Variants in CDKN2AIPNL observed in about 807,000 individuals in gnomAD.
CDKN2AIPNL encodes the protein CDKN2AIP N-terminal-like protein.
In CDKN2AIPNL, 9 loss-of-function variants were observed where a neutral mutation model predicts 12.9. The ratio of observed to expected loss-of-function variants is 0.70; its 90% CI spans 0.42 to 1.22. The LOEUF (loss-of-function observed/expected upper bound fraction) is 1.22, where lower values mean the gene tolerates loss of function less well. Among genes scored for constraint, CDKN2AIPNL ranks in the 50% most tolerant of loss-of-function variants. The probability of loss-of-function intolerance (pLI) is 0.00; values close to 1 mark genes in which losing one functional copy is unlikely to be tolerated. For synonymous variants in CDKN2AIPNL, 53 were observed against 61.7 expected (o/e 0.86, Z 0.66); for missense variants, 143 against 153.6 (o/e 0.93, Z 0.37).
At chr5:134,407,633 C>T (rs551134131) in intron 2 of CDKN2AIPNL, among the ~76,000 whole-genome samples, 2 of 151,622 alleles carry the variant, frequency 1.3e-5, no homozygotes, top group African/African-American at 2.4e-5. Flanking sequence ...AAAATAGCCG[C>T]GCGTGGTGGC....
intron 2 of CDKN2AIPNL, among the ~76,000 whole-genome samples, chr5:134,409,447 A>G (rs2149697688): frequency 6.6e-6 from 1 of 152,288 alleles, no homozygotes; most frequent in African/African-American, 2.4e-5. Context: ...TCAGACCCCA[A>G]AGGGTAGAGA....
At chr5:134,403,472 C>T (rs1759057915) in intron 2 of CDKN2AIPNL, among the ~76,000 whole-genome samples, 2 of 152,158 alleles carry the variant, frequency 1.3e-5, no homozygotes, top group Admixed American at 1.3e-4. Context: ...CTTTAGACAA[C>T]TTTTAAACAG....
At chr5:134,404,443 CCT>C (rs1464648360) in intron 2 of CDKN2AIPNL, among the ~76,000 whole-genome samples, 1 of 152,110 alleles carries the variant, frequency 6.6e-6, no homozygotes, top group Admixed American at 6.6e-5. Flanking sequence ...CCCACCTCAG[CCT>C]CTCGAGTAGC....
intron 2 of CDKN2AIPNL, among the ~76,000 whole-genome samples, chr5:134,406,780 G>C (rs188582624): frequency 6.6e-6 from 1 of 152,324 alleles, no homozygotes; most frequent in East Asian, 1.9e-4. Context: ...TAAGGTGCAA[G>C]GATCACTTGA....
At chr5:134,408,381 G>A (rs144331561) in intron 2 of CDKN2AIPNL, among the ~76,000 whole-genome samples, 1 of 151,800 alleles carries the variant, frequency 6.6e-6, no homozygotes, top group East Asian at 2.0e-4. Context: ...TTTAACAGCT[G>A]ATTTTAGTCC....
At chr5:134,406,067 A>G (rs942627348) in intron 2 of CDKN2AIPNL, among the ~76,000 whole-genome samples, 2 of 152,212 alleles carry the variant, frequency 1.3e-5, no homozygotes, top group African/African-American at 4.8e-5. Flanking sequence ...AAAAAAAATC[A>G]TATACTGCAA....
chr5:134,410,167 G>C (rs1299888450), intron 1 of CDKN2AIPNL, among the ~76,000 whole-genome samples, 165 bp from the exon 2 acceptor site: 1 of 152,156 alleles, frequency 6.6e-6, no homozygotes, highest in Non-Finnish European at 1.5e-5. Flanking sequence ...ATGGAGTCTT[G>C]CTCTGTCCCC....
rs940993051 is a variant in CDKN2AIPNL at position 134,411,685 on chromosome 5, C to A, written c.170G>T (p.Gly57Val). The change falls in exon 1 of 3, where the codon GGC (glycine) becomes GTC (valine). Residue 57 changes from glycine (G) to valine (V), a missense_variant. Around this residue, in one of 3 missense-constraint regions of CDKN2AIPNL, gnomAD observed 111 missense variants for 111.4 expected, o/e 1.00. Coordinates refer to ENST00000458198, the MANE Select transcript of CDKN2AIPNL (RefSeq NM_080656.3). Reference sequence around the variant, plus strand: ...GAGCAGCTGGTCCAGGCGGCCACTGCCGTCGGGCGGGTCGCGGTAGTCGGG... The same window carrying A: ...GAGCAGCTGGTCCAGGCGGCCACTGACGTCGGGCGGGTCGCGGTAGTCGGG... ...HLPDYRDPPD[G>V]SGRLDQLLSL... 1 of 1,613,048 alleles carries A rather than the reference C, an allele frequency of 6.2e-7. No homozygotes were observed. The highest frequency in any genetic ancestry group is 8.5e-7 in the Non-Finnish European group (1 of 1,179,792).
intron 2 of CDKN2AIPNL, among the ~76,000 whole-genome samples, chr5:134,404,624 G>C (rs1227023797): frequency 6.6e-6 from 1 of 151,446 alleles, no homozygotes; most frequent in Non-Finnish European, 1.5e-5. Flanking sequence ...ACTGGGCTAG[G>C]CTGATTTTTT....
In CDKN2AIPNL at chr5:134,402,917, A is replaced by C. The variant is rs1274724269; in HGVS notation, c.349T>G (p.Ter117GluextTer20). 6.2e-7 allele frequency: 1 copy of C among 1,608,510 alleles called. No individual in the cohort carries two copies. The highest frequency in any genetic ancestry group is 8.5e-7 in the Non-Finnish European group (1 of 1,179,298). The change falls in exon 3 of 3, where the codon TAA (stop) becomes GAA (glutamate). Residue 117 changes from the stop codon to glutamate (E), a stop_lost. Coordinates refer to ENST00000458198, the MANE Select transcript of CDKN2AIPNL (RefSeq NM_080656.3). ...RSELMKKHQS[*>E] is the part of the protein sequence containing the mutation. ...GAAAATGTGATAAATCTTCTGGCTT[A>C]GCTTTGATGCTGGGAAAAAAAGAAA...
intron 2 of CDKN2AIPNL, among the ~76,000 whole-genome samples, chr5:134,407,836 G>A (rs556170979): frequency 6.6e-6 from 1 of 151,450 alleles, no homozygotes; most frequent in East Asian, 2.0e-4. Context: ...ATCACAAGCA[G>A]TTAAAAAATA....
chr5:134,409,804 A>G, intron 2 of CDKN2AIPNL, 99 bp downstream of exon 2: 1 of 703,552 alleles, frequency 1.4e-6, no homozygotes, highest in Non-Finnish European at 2.4e-6. Flanking sequence ...TGGGGCAGTA[A>G]AGAGCATTCA....
intron 2 of CDKN2AIPNL, among the ~76,000 whole-genome samples, chr5:134,405,508 C>G (rs555505043): frequency 6.6e-6 from 1 of 152,032 alleles, no homozygotes; most frequent in African/African-American, 2.4e-5. Flanking sequence ...CCTCCACCTC[C>G]CGGGTTCAAG....
intron 2 of CDKN2AIPNL, among the ~76,000 whole-genome samples, chr5:134,409,374 A>C (rs1261851621): frequency 6.6e-6 from 1 of 152,196 alleles, no homozygotes; most frequent in Non-Finnish European, 1.5e-5. Context: ...CTGTAGCCCC[A>C]GCTCCAGTGT....
In CDKN2AIPNL at chr5:134,411,614, A is replaced by T; in HGVS notation, c.239+2T>A. ...GATCAGCCGGCCGGCAGGGGTCCGC[A>T]CCTGCAGCCTAGGAAGAGATGGTTG... is the stretch of plus-strand genomic sequence containing the variant. On this transcript the variant is annotated splice_donor_variant, in intron 1 of 2. Coordinates refer to ENST00000458198, the MANE Select transcript of CDKN2AIPNL (RefSeq NM_080656.3). LOFTEE classifies it high-confidence loss of function. The T allele has an allele frequency of 6.2e-7, 1 of 1,610,610 alleles. No homozygotes were observed. Among genetic ancestry groups the T allele is most frequent in the South Asian group, 1.1e-5 (1 of 90,664 alleles).
rs552621513 is a variant in CDKN2AIPNL, at chr5:134,402,988, T to A, written c.340-62A>T. 25 of 1,442,394 alleles carry A rather than the reference T, an allele frequency of 1.7e-5. No homozygotes were observed. The East Asian group carries it at 5.3e-4, about 30-fold the overall frequency. The allele number at this position is 1,442,394 out of a possible 1,614,324, so 89.3% of individuals were successfully genotyped here. On this transcript the variant is annotated intron_variant, in intron 2 of 2. Coordinates refer to ENST00000458198, the MANE Select transcript of CDKN2AIPNL (RefSeq NM_080656.3). ...GTAGTCCAGTGAATCAAATTCATCT[T>A]CATAAATTAAAATATAGCAGTGATG...
At chr5:134,404,350 G>T (rs1759070097) in intron 2 of CDKN2AIPNL, among the ~76,000 whole-genome samples, 1 of 152,068 alleles carries the variant, frequency 6.6e-6, no homozygotes, top group Non-Finnish European at 1.5e-5. Flanking sequence ...TGGAGACAGG[G>T]TCTCACTCTG....
Position 134,411,486 on chromosome 5 carries a change from G to A in CDKN2AIPNL, c.239+130C>T, listed in dbSNP as rs1759189376. The A allele has an allele frequency of 4.0e-6, 3 of 745,284 alleles. No homozygotes were observed. In the Admixed American group the frequency reaches 8.6e-5, roughly 21 times the overall value. The allele number at this position is 745,284 out of a possible 1,614,324, so 46.2% of individuals were successfully genotyped here. A position where few individuals can be genotyped will look rare whatever the true frequency, so the allele number is the denominator to read the frequency against. The stretch of plus-strand genomic sequence containing the variant: ...CAGGGTGGGAATCAGTCTTCGGGCC[G>A]ACCAATGCGGATGGAGGTTGGGCCC... On this transcript the variant is annotated intron_variant, in intron 1 of 2. Coordinates refer to ENST00000458198, the MANE Select transcript of CDKN2AIPNL (RefSeq NM_080656.3).
At chr5:134,405,192 G>A (rs1307741022) in intron 2 of CDKN2AIPNL, among the ~76,000 whole-genome samples, 1 of 146,098 alleles carries the variant, frequency 6.8e-6, no homozygotes, top group Middle Eastern at 3.5e-3. Flanking sequence ...TGCAAGCTCC[G>A]CCTCCCAGGT....
Sources: gnomAD v4.1 joint callset for allele counts (sites outside exome capture counted in the v4.1 genomes callset) on GRCh38, gnomAD v4.1.1 for gene constraint, gnomAD v4.1.1 regional missense constraint, MANE v1.5 for transcripts, NCBI Gene and HGNC (gene_info 2026-07-23, HGNC 2026-07-21) for gene names.